The following RGS7 variants were observed in gnomAD, a reference collection of about 807,000 sequenced individuals.
RGS7 encodes regulator of G-protein signaling 7.
Under a neutral mutation model 81.1 loss-of-function variants are expected in RGS7, and 27 were observed. That is an observed-to-expected ratio of 0.33 (90% CI 0.25 to 0.46). RGS7 has a LOEUF of 0.46. RGS7 is among the 20% of genes least tolerant of loss of function. The pLI is 1.00. For missense variants in RGS7, 396 were observed against 607.4 expected, an observed-to-expected ratio of 0.65 and a Z score of 3.66; for synonymous variants, 208 against 207.7, an observed-to-expected ratio of 1.00 and a Z score of -0.01.
chr1:241,027,893 T>C (rs1572344336), intron 3 of RGS7, among the ~76,000 whole-genome samples: 1 of 152,308 alleles, frequency 6.6e-6, no homozygotes, highest in African/African-American at 2.4e-5. Flanking sequence ...TAGATGGCAT[T>C]TGAAGCTACA....
At chr1:240,872,067 G>A (rs1245595000) in intron 6 of RGS7, among the ~76,000 whole-genome samples, 1 of 152,108 alleles carries the variant, frequency 6.6e-6, no homozygotes, top group Non-Finnish European at 1.5e-5. Flanking sequence ...AAGACATTAT[G>A]TATCTTGTAA....
At chr1:240,774,882 C>T (rs549660427), downstream of RGS7, among the ~76,000 whole-genome samples, 377 of 145,368 alleles carry the variant, frequency 2.6e-3, 2 homozygotes, top group African/African-American at 9.7e-3. Context: ...ATTAAAAATA[C>T]GGTATAACAA....
In RGS7 at chr1:241,004,317, C is replaced by T. The variant is rs115992264; in HGVS notation, c.176-21188G>A. Reference sequence around the variant, plus strand: ...AATTTGTTCTCTCCTTTTGTTCATTCCACAATAATGAGTATACATCGTGTA... The same window carrying T: ...AATTTGTTCTCTCCTTTTGTTCATTTCACAATAATGAGTATACATCGTGTA... On this transcript the variant is annotated intron_variant, in intron 3 of 18. Transcript: ENST00000440928. Among the ~76,000 whole-genome samples, 729 of 152,174 alleles carry T rather than the reference C, an allele frequency of 4.8e-3. 5 individuals are homozygous for T. Among genetic ancestry groups the T allele is most frequent in the African/African-American group, 0.017 (697 of 41,520 alleles).
intron 2 of RGS7, among the ~76,000 whole-genome samples, chr1:241,228,262 G>A (rs1158813216): frequency 6.6e-6 from 1 of 152,198 alleles, no homozygotes; most frequent in Admixed American, 6.5e-5. Flanking sequence ...AATCATTGTA[G>A]AAGTGATCTC....
intron 2 of RGS7, among the ~76,000 whole-genome samples, chr1:241,223,401 C>T (rs535178515): frequency 2.0e-4 from 30 of 152,290 alleles, no homozygotes; most frequent in African/African-American, 7.2e-4. Context: ...AAGAATCACA[C>T]TGTGCAACTT....
intron 3 of RGS7, among the ~76,000 whole-genome samples, chr1:241,032,600 G>A (rs181894201): frequency 5.1e-4 from 78 of 152,084 alleles, no homozygotes; most frequent in African/African-American, 1.6e-3. Flanking sequence ...TGATTCTTCC[G>A]ATCTATGAGC....
intron 6 of RGS7, among the ~76,000 whole-genome samples, chr1:240,928,498 G>A (rs261863): frequency 0.51 from 77,391 of 151,858 alleles, 20,502 homozygotes; most frequent in Middle Eastern, 0.64. Context: ...ACTATAAAAT[G>A]ATAAAACATG....
At chr1:241,060,533 G>A (rs1158646518) in intron 3 of RGS7, among the ~76,000 whole-genome samples, 1 of 152,104 alleles carries the variant, frequency 6.6e-6, no homozygotes, top group Non-Finnish European at 1.5e-5. Context: ...CCAAGAAACT[G>A]AGAAGTTTCC....
chr1:240,946,960 T>C (rs1427105746), intron 4 of RGS7, among the ~76,000 whole-genome samples: 1 of 152,190 alleles, frequency 6.6e-6, no homozygotes, highest in Non-Finnish European at 1.5e-5. Context: ...TATATATACA[T>C]GCATTGAAAC....
At chr1:241,039,823 T>TA (rs11383903) in intron 3 of RGS7, among the ~76,000 whole-genome samples, 27,802 of 152,106 alleles carry the variant, frequency 0.18, 2,875 homozygotes, top group Non-Finnish European at 0.23. Flanking sequence ...ATGTTTGATC[T>TA]ATGAATCGCC....
chr1:241,354,653 T>C (rs149158162), intron 2 of RGS7, among the ~76,000 whole-genome samples: 1 of 152,328 alleles, frequency 6.6e-6, no homozygotes, highest in East Asian at 1.9e-4. Context: ...TCTTTCATCT[T>C]TATTCATAAT....
At chr1:240,827,318 A>G in intron 9 of RGS7, 146 bp from the exon 10 acceptor site, 1 of 717,344 alleles carries the variant, frequency 1.4e-6, no homozygotes. Context: ...GGCCACAGCC[A>G]GTCCCATCAG....
intron 2 of RGS7, among the ~76,000 whole-genome samples, chr1:241,354,879 G>A (rs1215883927): frequency 1.3e-5 from 2 of 152,092 alleles, no homozygotes; most frequent in African/African-American, 4.8e-5. Context: ...AAATGATTGG[G>A]GCAGAAGAAC....
chr1:240,944,971 C>A (rs1156424208), intron 4 of RGS7, among the ~76,000 whole-genome samples: 1 of 152,098 alleles, frequency 6.6e-6, no homozygotes, highest in Non-Finnish European at 1.5e-5. Flanking sequence ...TCGGCCTTCC[C>A]AAGCATTGGG....
chr1:241,205,244 A>AT lies in RGS7; in HGVS notation c.79-106483dup, dbSNP rs113696057. On this transcript the variant is annotated intron_variant, in intron 2 of 18. Transcript: ENST00000440928. ...CCACTATGCACACCACGCCCAGCTA[A>AT]TTTTTTTTTTTTTTTTCAGTAGAGA... Among the ~76,000 whole-genome samples, 788 of 136,524 alleles carry AT rather than the reference A, an allele frequency of 5.8e-3. 1 individual carries two copies. Among genetic ancestry groups the AT allele is most frequent in the African/African-American group, 0.01 (391 of 37,822 alleles). The allele number at this position is 136,524 out of a possible 152,430, so 89.6% of individuals were successfully genotyped here. A position where few individuals can be genotyped will look rare whatever the true frequency, so the allele number is the denominator to read the frequency against.
chr1:240,930,057 A>G (rs1210555772), intron 6 of RGS7, among the ~76,000 whole-genome samples: 1 of 152,192 alleles, frequency 6.6e-6, no homozygotes, highest in Admixed American at 6.5e-5. Context: ...AAAACCATGC[A>G]ATCTTGTCTT....
intron 3 of RGS7, among the ~76,000 whole-genome samples, chr1:240,984,418 G>C (rs1438762823): frequency 2.6e-5 from 4 of 152,084 alleles, no homozygotes; most frequent in Non-Finnish European, 4.4e-5. Flanking sequence ...AGGACTTTAC[G>C]ACTAATTAGG....
Position 241,355,691 on chromosome 1 carries a change from A to T in RGS7, c.78+8T>A. ...TCCCGTTTTCCAAGAAACTGAAGACATTCTTACCTTTCTGTACACCAGCAT... is the reference window on the plus strand; with the variant it reads ...TCCCGTTTTCCAAGAAACTGAAGACTTTCTTACCTTTCTGTACACCAGCAT... On this transcript the variant is annotated splice_region_variant and intron_variant, in intron 2 of 18. Transcript: ENST00000440928. 1 of 1,613,162 alleles carries T rather than the reference A, an allele frequency of 6.2e-7. No homozygotes were observed. Among genetic ancestry groups the T allele is most frequent in the East Asian group, 2.2e-5 (1 of 44,888 alleles).
At chr1:240,966,191 T>C (rs1418238870) in intron 4 of RGS7, among the ~76,000 whole-genome samples, 3 of 152,148 alleles carry the variant, frequency 2.0e-5, no homozygotes, top group African/African-American at 7.2e-5. Context: ...GGATATGCTA[T>C]TTTTCTAAGC....
Sources: gnomAD v4.1 joint callset for allele counts (sites outside exome capture counted in the v4.1 genomes callset) on GRCh38, gnomAD v4.1.1 for gene constraint, MANE v1.5 for transcripts, NCBI Gene and HGNC (gene_info 2026-07-23, HGNC 2026-07-21) for gene names.